ERGIC1: variants seen among roughly 807,000 people sequenced by gnomAD.
The protein encoded by ERGIC1 is endoplasmic reticulum-golgi intermediate compartment 1, also known as endoplasmic reticulum-Golgi intermediate compartment protein 1.
ERGIC1 carries 19 observed loss-of-function variants against 38.3 expected under a neutral mutation model. The ratio of observed to expected loss-of-function variants is 0.50; its 90% CI spans 0.35 to 0.73. The LOEUF (loss-of-function observed/expected upper bound fraction) is 0.73, where lower values mean the gene tolerates loss of function less well. Ranked by LOEUF, ERGIC1 falls within the 30% of genes least tolerant of loss-of-function variation. ERGIC1 has a pLI of 0.01. For missense variants in ERGIC1, 294 were observed against 389.2 expected, an observed-to-expected ratio of 0.76 and a Z score of 2.06; for synonymous variants, 124 against 157.6, an observed-to-expected ratio of 0.79 and a Z score of 1.60.
intron 9 of ERGIC1, among the ~76,000 whole-genome samples, chr5:172,939,159 G>A (rs1050874471): frequency 2.6e-5 from 4 of 152,166 alleles, no homozygotes; most frequent in Non-Finnish European, 5.9e-5. Context: ...ACTATGTTCC[G>A]GCCCCCGTAG....
At position 172,926,641 on chromosome 5, in the gene ERGIC1, G is replaced by T; in HGVS notation, c.541+72G>T. 6.4e-7 allele frequency: 1 copy of T among 1,557,546 alleles called. No individual in the cohort carries two copies. On this transcript the variant is annotated intron_variant, in intron 7 of 9. Transcript: ENST00000393784. This position sits in a 1 kb window ranked among gnomAD's most constrained non-coding sequence, Gnocchi z 5.2. The stretch of plus-strand genomic sequence containing the variant: ...ACAGCAGGCAGGGAGGGGGAGGGCA[G>T]AGAGGTGGGGGTGCCTGTCCAGCAC...
chr5:172,917,352 T>C (rs1203121964), intron 5 of ERGIC1: 2 of 151,932 alleles, frequency 1.3e-5, no homozygotes, highest in Non-Finnish European at 2.9e-5. Context: ...GGACCACAGA[T>C]GTTGAGGTGG....
intron 1 of ERGIC1, among the ~76,000 whole-genome samples, chr5:172,855,584 T>C (rs1335485584): frequency 6.6e-6 from 1 of 152,200 alleles, no homozygotes; most frequent in Non-Finnish European, 1.5e-5. Context: ...CAGGGAACTC[T>C]GGGGATGTTC....
At chr5:172,851,956 G>A (rs554434268) in intron 1 of ERGIC1, among the ~76,000 whole-genome samples, 3 of 152,190 alleles carry the variant, frequency 2.0e-5, no homozygotes, top group East Asian at 1.9e-4. Flanking sequence ...AGATTTGCCC[G>A]AGATCGTCTT....
chr5:172,910,336 C>T (rs6865248), intron 4 of ERGIC1, among the ~76,000 whole-genome samples: 100,587 of 151,836 alleles, frequency 0.66, 33,920 homozygotes, highest in Non-Finnish European at 0.74. Context: ...CAGCCAAGAG[C>T]ATTCATCTGG....
chr5:172,862,891 G>A (rs980295110), intron 1 of ERGIC1, among the ~76,000 whole-genome samples: 1 of 152,234 alleles, frequency 6.6e-6, no homozygotes, highest in Non-Finnish European at 1.5e-5. Flanking sequence ...CAAGGTACCT[G>A]TGAAAGTCAA....
Position 172,856,044 on chromosome 5 carries a change from T to TA in ERGIC1, c.20+21618dup, listed in dbSNP as rs557577024. On this transcript the variant is annotated intron_variant, in intron 1 of 9. Coordinates refer to ENST00000393784, the MANE Select transcript of ERGIC1 (RefSeq NM_001031711.3). ...AATCATAAGTCACATCCCATTCAAT[T>TA]AAAAAAAGACAATGGACTGGTGACT... Among the ~76,000 whole-genome samples, 16 of 152,238 alleles carry TA rather than the reference T, an allele frequency of 1.1e-4. 1 individual carries two copies. The South Asian group carries it at 2.7e-3, about 26-fold the overall frequency.
In ERGIC1 at chr5:172,934,541, T is replaced by TCA. The variant is rs373367359; in HGVS notation, c.643-631_643-630dup. On this transcript the variant is annotated intron_variant, in intron 8 of 9. Transcript: ENST00000393784. ...ACTCCCCACGTGGCATTTACACCCA[T>TCA]CACACACACACACACACTGGGACTC... The TCA allele has an allele frequency of 3.2e-3, 488 of 153,728 alleles. 2 individuals are homozygous for TCA. Among genetic ancestry groups the TCA allele is most frequent in the East Asian group, 4.7e-3 (25 of 5,286 alleles). 9.5% of individuals were successfully genotyped at this position (153,728 alleles called of 1,614,324 possible).
intron 9 of ERGIC1, among the ~76,000 whole-genome samples, chr5:172,943,740 C>T (rs116150003): frequency 2.6e-5 from 4 of 152,154 alleles, no homozygotes; most frequent in Admixed American, 2.0e-4. Context: ...CCCACAATCT[C>T]GCCTCCCACG....
In ERGIC1 at chr5:172,888,767, A is replaced by C. The variant is rs1762483283; in HGVS notation, c.82+7A>C. On this transcript the variant is annotated splice_region_variant and intron_variant, in intron 2 of 9. Coordinates refer to ENST00000393784, the MANE Select transcript of ERGIC1 (RefSeq NM_001031711.3). ...ACGTACACCGGGGCCATTAGTGAGTAGCCAACCTCTGGCCATGCCCTCTGC... is the reference window on the plus strand; with the variant it reads ...ACGTACACCGGGGCCATTAGTGAGTCGCCAACCTCTGGCCATGCCCTCTGC... 3 of 1,613,848 alleles carry C rather than the reference A, an allele frequency of 1.9e-6. No individual in the cohort carries two copies. The African/African-American group carries it at 4.0e-5, about 22-fold the overall frequency.
chr5:172,895,072 T>G (rs1028230739), intron 2 of ERGIC1, among the ~76,000 whole-genome samples: 3 of 152,234 alleles, frequency 2.0e-5, no homozygotes, highest in Admixed American at 6.5e-5. Context: ...AGGTGCAGGC[T>G]GCGGAGAATG....
chr5:172,839,849 G>A (rs150410935), intron 1 of ERGIC1, among the ~76,000 whole-genome samples: 146 of 152,270 alleles, frequency 9.6e-4, no homozygotes, highest in African/African-American at 3.4e-3. Flanking sequence ...AAACACGGTC[G>A]TTCCCGTTCC....
At chr5:172,935,122 G>T (rs1763859511) in intron 8 of ERGIC1, 66 bp from the exon 9 acceptor site, 11 of 1,610,006 alleles carry the variant, frequency 6.8e-6, no homozygotes, top group African/African-American at 2.7e-5. Context: ...GGGGCCCTCT[G>T]CAATCCAGTC....
At chr5:172,888,647 T>G in intron 1 of ERGIC1, 52 bp from the exon 2 acceptor site, 401 of 1,477,514 alleles carry the variant, frequency 2.7e-4, no homozygotes, top group Non-Finnish European at 3.5e-4. Flanking sequence ...CCTGCTGCCT[T>G]GAGACCCACC....
intron 5 of ERGIC1, chr5:172,915,045 T>A: frequency 1.3e-6 from 1 of 781,220 alleles, no homozygotes; most frequent in Non-Finnish European, 2.3e-6. Flanking sequence ...CCCTGATGGC[T>A]GGTTCAGGAA....
chr5:172,838,222 A>G (rs1269120896), intron 1 of ERGIC1, among the ~76,000 whole-genome samples: 1 of 152,232 alleles, frequency 6.6e-6, no homozygotes, highest in Non-Finnish European at 1.5e-5. Flanking sequence ...TGCAACTTGC[A>G]ATGCAGGATG....
chr5:172,914,628 A>C (rs1342812009), intron 4 of ERGIC1, 86 bp from the exon 5 acceptor site: 10 of 1,611,072 alleles, frequency 6.2e-6, no homozygotes, highest in Non-Finnish European at 8.5e-6. Flanking sequence ...GCAATGGATG[A>C]ATGAAGGCTC....
intron 9 of ERGIC1, among the ~76,000 whole-genome samples, chr5:172,947,639 T>C (rs1192113479): frequency 6.6e-6 from 1 of 152,228 alleles, no homozygotes; most frequent in Admixed American, 6.5e-5. Flanking sequence ...GGTTCCCCCT[T>C]AGCCTTCAGG....
intron 1 of ERGIC1, among the ~76,000 whole-genome samples, chr5:172,856,923 A>G (rs191658109): frequency 6.6e-6 from 1 of 152,214 alleles, no homozygotes; most frequent in Admixed American, 6.5e-5. Context: ...TAAGCCGTGC[A>G]TACAAAATGC....
Sources: allele counts gnomAD v4.1 joint callset (sites outside exome capture counted in the v4.1 genomes callset), GRCh38; gene constraint gnomAD v4.1.1; non-coding constraint Gnocchi (gnomAD v3.1); transcripts MANE v1.5; gene names NCBI Gene and HGNC (gene_info 2026-07-23, HGNC 2026-07-21).